PHACTR3: variants seen among roughly 807,000 people sequenced by gnomAD.
PHACTR3 encodes the protein protein phosphatase 1, regulatory subunit 123.
A neutral mutation model predicts 66.8 loss-of-function variants in PHACTR3; 16 were observed. That is an observed-to-expected ratio of 0.24 (90% CI 0.16 to 0.36). The LOEUF (loss-of-function observed/expected upper bound fraction) is 0.36, where lower values mean the gene tolerates loss of function less well. PHACTR3 is among the 10% of genes least tolerant of loss of function. The pLI, the probability that PHACTR3 is intolerant of heterozygous loss-of-function variation, is 1.00. For missense variants in PHACTR3, 647 were observed against 719.9 expected (o/e 0.90, Z 1.16); for synonymous variants, 323 against 292.1 (o/e 1.11, Z -1.08).
At chr20:59,787,217 G>T (rs1244382820) in intron 7 of PHACTR3, among the ~76,000 whole-genome samples, 1 of 152,226 alleles carries the variant, frequency 6.6e-6, no homozygotes, top group Non-Finnish European at 1.5e-5. Context: ...ACTTCTTGGT[G>T]AGTATGTAAA....
intron 1 of PHACTR3, among the ~76,000 whole-genome samples, chr20:59,651,872 GGT>G (rs2035472228): frequency 1.3e-5 from 2 of 148,202 alleles, no homozygotes; most frequent in East Asian, 2.3e-4. Flanking sequence ...TAGGTAGGTA[GGT>G]AGGTAGATAG....
upstream of PHACTR3, among the ~76,000 whole-genome samples, chr20:59,604,216 C>T (rs950596754): frequency 6.6e-6 from 1 of 152,164 alleles, no homozygotes; most frequent in Non-Finnish European, 1.5e-5. Context: ...GCCTCCCAGT[C>T]CCAGGAGAGG....
intron 1 of PHACTR3, among the ~76,000 whole-genome samples, chr20:59,726,265 G>A (rs1471337538): frequency 1.3e-5 from 2 of 152,132 alleles, no homozygotes; most frequent in Non-Finnish European, 2.9e-5. Context: ...TGGCATACTG[G>A]CCAGCTTTTT....
At chr20:59,777,495 G>A (rs750305804) in intron 7 of PHACTR3, among the ~76,000 whole-genome samples, 13 of 152,294 alleles carry the variant, frequency 8.5e-5, no homozygotes, top group Admixed American at 1.3e-4. Context: ...CCAACAGAAT[G>A]TGCTGTGAAG....
At chr20:59,680,974 G>A (rs2036622018) in intron 1 of PHACTR3, among the ~76,000 whole-genome samples, 1 of 152,202 alleles carries the variant, frequency 6.6e-6, no homozygotes, top group Non-Finnish European at 1.5e-5. Context: ...TTGATGTCAG[G>A]TGTGTTTACC....
chr20:59,730,413 G>A (rs1395215530), intron 1 of PHACTR3, among the ~76,000 whole-genome samples: 1 of 152,154 alleles, frequency 6.6e-6, no homozygotes, highest in Non-Finnish European at 1.5e-5. Context: ...TGGAGGCCAG[G>A]GCTCTGGGGT....
intron 4 of PHACTR3, among the ~76,000 whole-genome samples, chr20:59,759,778 G>T (rs1032920835): frequency 1.3e-5 from 2 of 152,170 alleles, no homozygotes; most frequent in African/African-American, 2.4e-5. Flanking sequence ...GGGCCCAGTC[G>T]CTCTGTGTTG....
intron 1 of PHACTR3, among the ~76,000 whole-genome samples, chr20:59,720,941 C>T (rs907195210): frequency 3.9e-5 from 5 of 127,548 alleles, no homozygotes; most frequent in East Asian, 4.0e-4. Context: ...TGTCAGGCAC[C>T]GTGGATTTCT....
In PHACTR3 at chr20:59,654,414, T is replaced by C. The variant is rs562237453; in HGVS notation, c.118+49282T>C. On this transcript the variant is annotated intron_variant, in intron 1 of 12. Transcript: ENST00000371015. ...TGTAGGCAATTATTATCAATAGGTG[T>C]TAACAGCATTAGGTAACTATCAATG... is the stretch of plus-strand genomic sequence containing the variant. Among the ~76,000 whole-genome samples the C allele has an allele frequency of 7.3e-4, 111 of 152,244 alleles. No homozygotes were observed. In the Middle Eastern group the frequency reaches 0.01, roughly 14 times the overall value.
Position 59,738,080 on chromosome 20 carries a change from C to T in PHACTR3, c.119-5027C>T, listed in dbSNP as rs2146746203. On this transcript the variant is annotated intron_variant, in intron 1 of 12. Coordinates refer to ENST00000371015, the MANE Select transcript of PHACTR3 (RefSeq NM_080672.5). This position sits in a 1 kb window ranked among gnomAD's most constrained non-coding sequence, Gnocchi z 4.4. ...TGGTGGTAGGGAGGGGGAGGCGCCA[C>T]TGCCCCTCCTGCCCACCTTCCACCA... Among the ~76,000 whole-genome samples the T allele has an allele frequency of 6.6e-6, 1 of 152,178 alleles. No individual in the cohort carries two copies. The highest frequency in any genetic ancestry group is 2.1e-4 in the South Asian group (1 of 4,808).
At chr20:59,791,994 G>T (rs576128514) in intron 7 of PHACTR3, among the ~76,000 whole-genome samples, 1 of 152,264 alleles carries the variant, frequency 6.6e-6, no homozygotes, top group Non-Finnish European at 1.5e-5. Flanking sequence ...GGAGAAGACT[G>T]ATGTGAGATC....
intron 11 of PHACTR3, chr20:59,843,452 A>AGGTTATACT (rs1490873120): frequency 6.6e-6 from 1 of 152,012 alleles, no homozygotes; most frequent in Non-Finnish European, 1.5e-5. Context: ...ATGTATTATA[A>AGGTTATACT]GGTTATACTA....
intron 1 of PHACTR3, among the ~76,000 whole-genome samples, chr20:59,635,379 G>A (rs988682370): frequency 2.0e-5 from 3 of 150,676 alleles, no homozygotes; most frequent in African/African-American, 4.9e-5. Flanking sequence ...GATTACGGGC[G>A]TGCACCACCA....
chr20:59,600,945 CT>C (rs11477966), upstream of PHACTR3, among the ~76,000 whole-genome samples: 16,064 of 137,174 alleles, frequency 0.12, 1,169 homozygotes, highest in East Asian at 0.35. Flanking sequence ...CCTCTACATG[CT>C]TTTTTTTTTT....
chr20:59,659,156 G>T (rs1484578724), intron 1 of PHACTR3, among the ~76,000 whole-genome samples: 1 of 151,978 alleles, frequency 6.6e-6, no homozygotes, highest in African/African-American at 2.4e-5. Context: ...TCAAAGTTGT[G>T]TGATAATTTC....
chr20:59,689,122 G>A (rs2037006763), intron 1 of PHACTR3, among the ~76,000 whole-genome samples: 1 of 152,246 alleles, frequency 6.6e-6, no homozygotes, highest in Non-Finnish European at 1.5e-5. Context: ...TCTGCTGTGT[G>A]CAGGCTTTTC....
chr20:59,827,193 C>T (rs761089260), intron 8 of PHACTR3, among the ~76,000 whole-genome samples: 5 of 152,082 alleles, frequency 3.3e-5, no homozygotes, highest in East Asian at 1.9e-4. Flanking sequence ...GGGAACCATC[C>T]GGAGAGACTG....
At chr20:59,606,574 G>A (rs1014478262) in intron 1 of PHACTR3, among the ~76,000 whole-genome samples, 7 of 152,186 alleles carry the variant, frequency 4.6e-5, no homozygotes, top group African/African-American at 1.4e-4. Context: ...TCTCTGGGTT[G>A]GAGAGGCGCA....
At chr20:59,615,326 G>T (rs1327165446) in intron 1 of PHACTR3, among the ~76,000 whole-genome samples, 7 of 152,150 alleles carry the variant, frequency 4.6e-5, no homozygotes, top group Admixed American at 4.6e-4. Context: ...TGGTCTTGTG[G>T]CCCGGCCATG....
Sources: gnomAD v4.1 joint callset for allele counts (sites outside exome capture counted in the v4.1 genomes callset) on GRCh38, gnomAD v4.1.1 for gene constraint, Gnocchi (gnomAD v3.1) non-coding constraint, MANE v1.5 for transcripts, NCBI Gene and HGNC (gene_info 2026-07-23, HGNC 2026-07-21) for gene names.